Variants in MSRA observed in about 807,000 individuals in gnomAD.
MSRA encodes methionine sulfoxide reductase A, also known as mitochondrial peptide methionine sulfoxide reductase.
In MSRA, 54 loss-of-function variants were observed where a neutral mutation model predicts 31.3. The observed-to-expected ratio is 1.73, with a 90% CI of 1.39 to 2.17. MSRA has a LOEUF of 2.17. Ranked by LOEUF, MSRA falls within the 30% of genes most tolerant of loss-of-function variation. MSRA has a pLI of 0.00. For missense variants in MSRA, 507 were observed against 300.9 expected (o/e 1.69, Z -5.07); for synonymous variants, 169 against 116.5 (o/e 1.45, Z -2.90).
chr8:10,288,942 G>A (rs949006825), intron 3 of MSRA, among the ~76,000 whole-genome samples: 8 of 151,930 alleles, frequency 5.3e-5, no homozygotes, highest in South Asian at 2.1e-4. Context: ...AAGCAGCCAC[G>A]GTGTTTGAAG....
At chr8:10,116,542 C>G (rs566974960) in intron 1 of MSRA, among the ~76,000 whole-genome samples, 24 of 152,298 alleles carry the variant, frequency 1.6e-4, no homozygotes, top group African/African-American at 5.1e-4. Context: ...TTGTTGTAGG[C>G]TGGTAGCCAT....
intron 1 of MSRA, among the ~76,000 whole-genome samples, chr8:10,163,506 G>A (rs549977677): frequency 6.6e-6 from 1 of 152,202 alleles, no homozygotes; most frequent in Non-Finnish European, 1.5e-5. Flanking sequence ...TAGTCATTCT[G>A]CCCTTCACCT....
chr8:10,173,589 C>T (rs1230579097), intron 1 of MSRA, among the ~76,000 whole-genome samples: 1 of 152,196 alleles, frequency 6.6e-6, no homozygotes, highest in Non-Finnish European at 1.5e-5. Flanking sequence ...TCCCTGACAC[C>T]TCAAACGTAT....
intron 5 of MSRA, among the ~76,000 whole-genome samples, chr8:10,397,714 A>G (rs1423273598): frequency 6.6e-6 from 1 of 152,230 alleles, no homozygotes; most frequent in African/African-American, 2.4e-5. Context: ...ATGCTCTCAA[A>G]TTCCATGTAA....
intron 1 of MSRA, among the ~76,000 whole-genome samples, chr8:10,116,148 A>T (rs1442886224): frequency 6.6e-6 from 1 of 152,168 alleles, no homozygotes; most frequent in African/African-American, 2.4e-5. Flanking sequence ...ATGACACTAA[A>T]ACTCAAGTTA....
At chr8:10,057,519 T>C (rs1196877225) in intron 1 of MSRA, among the ~76,000 whole-genome samples, 1 of 152,022 alleles carries the variant, frequency 6.6e-6, no homozygotes, top group Non-Finnish European at 1.5e-5. Context: ...TTATTGTAAT[T>C]ATTGTAAAAG....
At chr8:10,291,327 A>C (rs1450090265) in intron 3 of MSRA, among the ~76,000 whole-genome samples, 2 of 152,096 alleles carry the variant, frequency 1.3e-5, no homozygotes, top group South Asian at 2.1e-4. Context: ...CAATTGCTCC[A>C]CCAGTATTTT....
chr8:10,289,621 T>C (rs893181369), intron 3 of MSRA, among the ~76,000 whole-genome samples: 1 of 152,222 alleles, frequency 6.6e-6, no homozygotes, highest in Non-Finnish European at 1.5e-5. Flanking sequence ...TTCTCATCCA[T>C]CGCATGGAGA....
At chr8:10,379,321 C>G (rs569094938) in intron 5 of MSRA, among the ~76,000 whole-genome samples, 5 of 152,220 alleles carry the variant, frequency 3.3e-5, no homozygotes, top group African/African-American at 4.8e-5. Flanking sequence ...AAAAAAAAAT[C>G]CAGCCAGCCC....
rs866092437 is a variant in MSRA, at chr8:10,157,353, T to C, written c.143-50480T>C. Among the ~76,000 whole-genome samples the C allele has an allele frequency of 7.2e-5, 11 of 152,296 alleles. No individual in the cohort carries two copies. The Middle Eastern group carries it at 0.014, about 188-fold the overall frequency. ...CCAGTTCTCTCACTGTCTGATGGTG[T>C]GATTTGAGGGCCTTAGTCTTATCAA... On this transcript the variant is annotated intron_variant, in intron 1 of 5. Coordinates refer to ENST00000317173, the MANE Select transcript of MSRA (RefSeq NM_012331.5).
rs564553835 is a variant in MSRA at position 10,222,250 on chromosome 8, A to C, written c.211+14349A>C. ...AATACAAAAAAAGCTTTAGGCCTTT[A>C]TAGACCTTCTCAAATGCCATATTTT... On this transcript the variant is annotated intron_variant, in intron 2 of 5. Coordinates refer to ENST00000317173, the MANE Select transcript of MSRA (RefSeq NM_012331.5). Among the ~76,000 whole-genome samples the C allele has an allele frequency of 5.3e-5, 8 of 152,338 alleles. No homozygotes were observed. In the South Asian group the frequency reaches 1.4e-3, roughly 28 times the overall value.
chr8:10,071,340 A>G (rs1226259460), intron 1 of MSRA, among the ~76,000 whole-genome samples: 1 of 152,086 alleles, frequency 6.6e-6, no homozygotes, highest in African/African-American at 2.4e-5. Flanking sequence ...AAACATTTCT[A>G]ATTGAATTAT....
At chr8:10,093,638 A>G (rs957813674) in intron 1 of MSRA, among the ~76,000 whole-genome samples, 1 of 152,210 alleles carries the variant, frequency 6.6e-6, no homozygotes, top group African/African-American at 2.4e-5. Context: ...AAAAAATTAA[A>G]CTATGTTACA....
chr8:10,155,978 G>A (rs1005069829), intron 1 of MSRA, among the ~76,000 whole-genome samples: 4 of 152,186 alleles, frequency 2.6e-5, no homozygotes, highest in African/African-American at 9.7e-5. Flanking sequence ...CTTTTGCAAT[G>A]TAGAGATTGG....
chr8:10,337,661 G>A (rs186392911), intron 5 of MSRA: 81 of 695,954 alleles, frequency 1.2e-4, no homozygotes, highest in African/African-American at 4.7e-4. Flanking sequence ...AGTGTCATCC[G>A]GTGAATGATT....
chr8:10,312,207 A>G (rs956914564), intron 4 of MSRA, among the ~76,000 whole-genome samples: 1 of 152,186 alleles, frequency 6.6e-6, no homozygotes, highest in Admixed American at 6.5e-5. Flanking sequence ...AACAAACAGA[A>G]GATCAAAAAA....
chr8:10,214,687 G>T (rs1394846489), intron 2 of MSRA, among the ~76,000 whole-genome samples: 1 of 152,162 alleles, frequency 6.6e-6, no homozygotes, highest in Non-Finnish European at 1.5e-5. Flanking sequence ...TTCACAAGAT[G>T]GTCAGAACTG....
At chr8:10,077,107 A>T (rs1798031173) in intron 1 of MSRA, among the ~76,000 whole-genome samples, 1 of 151,978 alleles carries the variant, frequency 6.6e-6, no homozygotes, top group Non-Finnish European at 1.5e-5. Flanking sequence ...AAAAGTAGTT[A>T]GAAAAGCAAA....
chr8:10,392,582 G>C (rs1434330425), intron 5 of MSRA, among the ~76,000 whole-genome samples: 1 of 152,058 alleles, frequency 6.6e-6, no homozygotes, highest in Non-Finnish European at 1.5e-5. Context: ...CAGCAGCCAA[G>C]CATACCCTGT....
Sources: allele counts gnomAD v4.1 joint callset (sites outside exome capture counted in the v4.1 genomes callset), GRCh38; gene constraint gnomAD v4.1.1; transcripts MANE v1.5; gene names NCBI Gene and HGNC (gene_info 2026-07-23, HGNC 2026-07-21).